HIVEP3: variants seen among roughly 807,000 people sequenced by gnomAD.
HIVEP3 encodes the protein HIVEP zinc finger 3.
A neutral mutation model predicts 152.8 loss-of-function variants in HIVEP3; 49 were observed. That is an observed-to-expected ratio of 0.32 (90% confidence interval 0.26 to 0.41). HIVEP3 has a LOEUF of 0.41. HIVEP3 is among the 10% of genes least tolerant of loss of function. The pLI is 1.00. For synonymous variants in HIVEP3, 1,269 were observed against 1,289.0 expected (o/e 0.98, Z 0.33); for missense variants, 2,790 against 3,103.3 (o/e 0.90, Z 2.40).
chr1:41,633,549 G>T (rs111459833), intron 2 of HIVEP3, among the ~76,000 whole-genome samples: 1,759 of 152,272 alleles, frequency 0.012, 35 homozygotes, highest in African/African-American at 0.041. Flanking sequence ...TCAACTGCAT[G>T]ACTTTATTAT....
chr1:41,813,907 C>T (rs1651111969), intron 1 of HIVEP3, among the ~76,000 whole-genome samples: 1 of 152,220 alleles, frequency 6.6e-6, no homozygotes. Context: ...CCATTCAGCA[C>T]TGCGGCCTGG....
At chr1:41,879,796 G>T (rs1211839173) in intron 1 of HIVEP3, among the ~76,000 whole-genome samples, 1 of 152,166 alleles carries the variant, frequency 6.6e-6, no homozygotes, top group Admixed American at 6.5e-5. Flanking sequence ...TGCATTGCAA[G>T]AAAATCTAGG....
rs1440939054 is a variant in HIVEP3, at chr1:41,511,525, C to A, written c.6406-259G>T. On this transcript the variant is annotated intron_variant, in intron 8 of 8. Coordinates refer to ENST00000372583, the MANE Select transcript of HIVEP3 (RefSeq NM_024503.5). The surrounding 1 kb of genome is among the most constrained non-coding windows in gnomAD (Gnocchi z 4.9). ...CCATGGTCTCCATGCCTCTAGCCAG[C>A]ATATCTGTCTTCAAAGGAGGGGATA... Among the ~76,000 whole-genome samples, 1 of 152,124 alleles carries A rather than the reference C, an allele frequency of 6.6e-6. No homozygotes were observed. The highest frequency in any genetic ancestry group is 1.9e-4 in the East Asian group (1 of 5,166).
At chr1:41,975,880 G>C (rs1409787926) in intron 1 of HIVEP3, among the ~76,000 whole-genome samples, 1 of 152,182 alleles carries the variant, frequency 6.6e-6, no homozygotes, top group Non-Finnish European at 1.5e-5. Context: ...ATTCATCCAG[G>C]AGTGGGTGAA....
At chr1:41,743,499 C>A (rs570868859) in intron 1 of HIVEP3, among the ~76,000 whole-genome samples, 9 of 152,264 alleles carry the variant, frequency 5.9e-5, no homozygotes, top group African/African-American at 1.9e-4. Context: ...TGAAACATGT[C>A]AAATTTAATC....
rs375377339 is a variant in HIVEP3 at position 41,895,673 on chromosome 1, AC to A, written c.-801+22739del. 5.2e-3 allele frequency among the ~76,000 whole-genome samples: 799 copies of A among 152,302 alleles called. 7 individuals carry two copies. The highest frequency in any genetic ancestry group is 0.018 in the African/African-American group (762 of 41,552). On this transcript the variant is annotated intron_variant, in intron 1 of 8. Coordinates refer to ENST00000372583, the MANE Select transcript of HIVEP3 (RefSeq NM_024503.5). ...GCCCAAGGGAAGGCTGTTCTAGCTA[AC>A]GGTAAGGAGAGGAGTAGAAGGCAAG...
At chr1:41,528,983 T>C (rs1294239096) in intron 5 of HIVEP3, among the ~76,000 whole-genome samples, 6 of 69,588 alleles carry the variant, frequency 8.6e-5, no homozygotes, top group East Asian at 5.3e-4. Context: ...CACACTCACC[T>C]TCACACTTCA....
intron 1 of HIVEP3, among the ~76,000 whole-genome samples, chr1:42,014,382 G>A (rs1276704822): frequency 2.0e-5 from 3 of 152,036 alleles, no homozygotes; most frequent in African/African-American, 7.2e-5. Context: ...AAGGAAGGAG[G>A]GGGTGCAAAG....
chr1:41,899,129 C>T (rs1384989251), intron 1 of HIVEP3, among the ~76,000 whole-genome samples: 1 of 152,204 alleles, frequency 6.6e-6, no homozygotes, highest in Non-Finnish European at 1.5e-5. Flanking sequence ...TATCAGCAAG[C>T]TCCTTTTTAA....
chr1:41,813,252 T>G (rs765509235), intron 1 of HIVEP3, among the ~76,000 whole-genome samples: 1 of 152,136 alleles, frequency 6.6e-6, no homozygotes, highest in Non-Finnish European at 1.5e-5. Flanking sequence ...AGTCCAGTCA[T>G]GCAGCCCCCC....
chr1:41,901,643 CA>C (rs1186826261), intron 1 of HIVEP3, among the ~76,000 whole-genome samples: 1 of 152,132 alleles, frequency 6.6e-6, no homozygotes, highest in Non-Finnish European at 1.5e-5. Flanking sequence ...GCAAGAAAGA[CA>C]AAGTTAGGAC....
intron 1 of HIVEP3, among the ~76,000 whole-genome samples, chr1:41,934,727 C>T (rs1447797131): frequency 2.0e-5 from 3 of 152,016 alleles, no homozygotes; most frequent in African/African-American, 7.3e-5. Flanking sequence ...GGGGAAAATC[C>T]TATAGGAGTT....
intron 1 of HIVEP3, among the ~76,000 whole-genome samples, chr1:41,913,511 C>T (rs574387601): frequency 6.6e-6 from 1 of 152,298 alleles, no homozygotes; most frequent in Admixed American, 6.5e-5. Context: ...ATCCTCCCGC[C>T]TCTGTCTCCT....
intron 1 of HIVEP3, among the ~76,000 whole-genome samples, chr1:41,968,573 C>G (rs560420407): frequency 6.8e-4 from 104 of 152,234 alleles, no homozygotes; most frequent in African/African-American, 2.5e-3. Context: ...ATAGTAAGAG[C>G]CATTTATGAT....
chr1:42,028,829 G>C (rs529320342), intron 1 of HIVEP3, among the ~76,000 whole-genome samples: 2 of 152,206 alleles, frequency 1.3e-5, no homozygotes, highest in Non-Finnish European at 2.9e-5. Flanking sequence ...TGACAGGTAA[G>C]ATAAATGGGT....
At chr1:41,569,551 T>A (rs558631095) in intron 5 of HIVEP3, among the ~76,000 whole-genome samples, 13 of 152,358 alleles carry the variant, frequency 8.5e-5, no homozygotes, top group African/African-American at 3.1e-4. Flanking sequence ...AAAATGGGAC[T>A]AGGCACAGCA....
At chr1:41,631,033 A>T (rs1174955258) in intron 2 of HIVEP3, among the ~76,000 whole-genome samples, 2 of 152,250 alleles carry the variant, frequency 1.3e-5, no homozygotes, top group East Asian at 3.8e-4. Context: ...TTGGTTTTTA[A>T]TAACTGACTT....
intron 2 of HIVEP3, 49 bp downstream of exon 2, chr1:41,700,867 G>T: frequency 1.3e-5 from 11 of 844,304 alleles, no homozygotes; most frequent in Non-Finnish European, 1.4e-5. Flanking sequence ...ATGGCCTTTG[G>T]GCTGTGCTGA....
chr1:41,651,696 T>C (rs986137620), intron 2 of HIVEP3, among the ~76,000 whole-genome samples: 1 of 152,238 alleles, frequency 6.6e-6, no homozygotes, highest in Non-Finnish European at 1.5e-5. Context: ...TGAATATGCA[T>C]TTATAATTTT....
Sources: gnomAD v4.1 joint callset for allele counts (sites outside exome capture counted in the v4.1 genomes callset) on GRCh38, gnomAD v4.1.1 for gene constraint, Gnocchi (gnomAD v3.1) non-coding constraint, MANE v1.5 for transcripts, NCBI Gene and HGNC (gene_info 2026-07-23, HGNC 2026-07-21) for gene names.